DACH1: variants seen among roughly 807,000 people sequenced by gnomAD.
DACH1 encodes the protein dachshund homolog 1.
DACH1 carries 12 observed loss-of-function variants against 54.2 expected under a neutral mutation model. The ratio of observed to expected loss-of-function variants is 0.22; its 90% confidence interval spans 0.14 to 0.36. DACH1 has a LOEUF of 0.36. Ranked by LOEUF, DACH1 falls within the 10% of genes least tolerant of loss-of-function variation. The probability of loss-of-function intolerance (pLI) is 1.00; values close to 1 mark genes in which losing one functional copy is unlikely to be tolerated. For synonymous variants in DACH1, 386 were observed against 366.2 expected (o/e 1.05, Z -0.62); for missense variants, 805 against 929.8 (o/e 0.87, Z 1.75).
rs75304944 is a variant in DACH1, at chr13:71,788,377, A to G, written c.848+77545T>C. On this transcript the variant is annotated intron_variant, in intron 1 of 10. Transcript: ENST00000613252. ...TTTCTGGGCCAAACCTGTGGCTTTT[A>G]TATGTGTGAGTATCTGTGTTTATAT... Among the ~76,000 whole-genome samples, 20 of 152,250 alleles carry G rather than the reference A, an allele frequency of 1.3e-4. No homozygotes were observed. In the East Asian group the frequency reaches 3.5e-3, roughly 26 times the overall value.
chr13:71,615,960 C>T (rs1875728555), intron 3 of DACH1, among the ~76,000 whole-genome samples: 1 of 152,034 alleles, frequency 6.6e-6, no homozygotes, highest in South Asian at 2.1e-4. Flanking sequence ...CCAAAGAGCC[C>T]TATGTAATAT....
chr13:71,859,397 G>T (rs1395195198), intron 1 of DACH1, among the ~76,000 whole-genome samples: 1 of 151,580 alleles, frequency 6.6e-6, no homozygotes, highest in Non-Finnish European at 1.5e-5. Flanking sequence ...GTGGTGATTT[G>T]GGTCATTATA....
chr13:71,555,380 G>T (rs943667438), intron 6 of DACH1, among the ~76,000 whole-genome samples: 19 of 150,776 alleles, frequency 1.3e-4, no homozygotes, highest in African/African-American at 4.6e-4. Context: ...CTCTCACTCT[G>T]TCACCCGGGC....
intron 1 of DACH1, among the ~76,000 whole-genome samples, chr13:71,743,316 A>G (rs555635275): frequency 1.3e-5 from 2 of 152,322 alleles, no homozygotes; most frequent in South Asian, 2.1e-4. Context: ...GAAGACCCCA[A>G]TAAAGTTGAT....
intron 4 of DACH1, among the ~76,000 whole-genome samples, chr13:71,572,142 T>G (rs1416701203): frequency 2.6e-5 from 4 of 152,182 alleles, no homozygotes; most frequent in Admixed American, 2.6e-4. Flanking sequence ...TTTTGTTATT[T>G]CTTACTCCTT....
chr13:71,623,480 C>T (rs1222988638), intron 3 of DACH1, among the ~76,000 whole-genome samples: 2 of 151,474 alleles, frequency 1.3e-5, no homozygotes, highest in Non-Finnish European at 3.0e-5. Flanking sequence ...TGGCATCATC[C>T]TTTTTTTATA....
chr13:71,797,799 A>G (rs1195357645), intron 1 of DACH1, among the ~76,000 whole-genome samples: 1 of 152,128 alleles, frequency 6.6e-6, no homozygotes, highest in African/African-American at 2.4e-5. Flanking sequence ...TTACCGAGTC[A>G]TGAAATTTTC....
At chr13:71,705,624 G>T (rs1882403734) in intron 1 of DACH1, among the ~76,000 whole-genome samples, 1 of 152,238 alleles carries the variant, frequency 6.6e-6, no homozygotes, top group South Asian at 2.1e-4. Context: ...AGGCAGATAG[G>T]CAATTTGTTA....
intron 10 of DACH1, among the ~76,000 whole-genome samples, chr13:71,453,450 A>C (rs528598291): frequency 6.6e-6 from 1 of 152,310 alleles, no homozygotes; most frequent in South Asian, 2.1e-4. Flanking sequence ...TGCAAGAAAC[A>C]GACAAAATCC....
intron 6 of DACH1, among the ~76,000 whole-genome samples, chr13:71,510,383 A>G (rs1880685194): frequency 6.6e-6 from 1 of 151,968 alleles, no homozygotes; most frequent in African/African-American, 2.4e-5. Flanking sequence ...CTACGGGGAT[A>G]TCTAATAGAT....
intron 3 of DACH1, among the ~76,000 whole-genome samples, chr13:71,585,095 A>T (rs1252411649): frequency 6.6e-6 from 1 of 152,168 alleles, no homozygotes; most frequent in Non-Finnish European, 1.5e-5. Context: ...TATACCGAAC[A>T]TCTATTTTGT....
chr13:71,667,652 T>C (rs1879928609), intron 2 of DACH1, among the ~76,000 whole-genome samples: 1 of 152,140 alleles, frequency 6.6e-6, no homozygotes, highest in Non-Finnish European at 1.5e-5. Flanking sequence ...ATGAAATCCA[T>C]GCCGAGAAAG....
intron 2 of DACH1, among the ~76,000 whole-genome samples, chr13:71,638,584 T>TTATAAG (rs1877669820): frequency 6.6e-6 from 1 of 152,182 alleles, no homozygotes; most frequent in Non-Finnish European, 1.5e-5. Flanking sequence ...ATAAGCATGT[T>TTATAAG]CAGAAGAGTG....
intron 1 of DACH1, among the ~76,000 whole-genome samples, chr13:71,813,473 T>A (rs575348412): frequency 3.7e-4 from 57 of 152,292 alleles, no homozygotes; most frequent in African/African-American, 1.3e-3. Flanking sequence ...ACTTGCGTTA[T>A]CAACTCCATC....
chr13:71,597,768 T>C (rs1338010400), intron 3 of DACH1, among the ~76,000 whole-genome samples: 1 of 152,160 alleles, frequency 6.6e-6, no homozygotes, highest in East Asian at 1.9e-4. Flanking sequence ...TTGTCCCTAG[T>C]AAGTGCTCAA....
chr13:71,672,672 T>C (rs1426349176), intron 2 of DACH1, among the ~76,000 whole-genome samples: 1 of 152,076 alleles, frequency 6.6e-6, no homozygotes, highest in African/African-American at 2.4e-5. Context: ...AAATAAACAA[T>C]ATTTGTATTT....
At chr13:71,676,091 T>G (rs910173176) in intron 2 of DACH1, among the ~76,000 whole-genome samples, 2 of 152,214 alleles carry the variant, frequency 1.3e-5, no homozygotes, top group Non-Finnish European at 2.9e-5. Context: ...TATGTTTAAT[T>G]TATTAGTGAA....
At chr13:71,613,043 ATGT>A (rs1238384584) in intron 3 of DACH1, among the ~76,000 whole-genome samples, 1 of 152,220 alleles carries the variant, frequency 6.6e-6, no homozygotes, top group Non-Finnish European at 1.5e-5. Context: ...GCAAATAAAG[ATGT>A]TATTATAGAT....
intron 3 of DACH1, among the ~76,000 whole-genome samples, chr13:71,586,263 A>C (rs961091224): frequency 6.6e-6 from 1 of 152,202 alleles, no homozygotes; most frequent in Non-Finnish European, 1.5e-5. Context: ...GATAACTTTT[A>C]GACCCTCCCT....
Sources: gnomAD v4.1 joint callset for allele counts (sites outside exome capture counted in the v4.1 genomes callset) on GRCh38, gnomAD v4.1.1 for gene constraint, MANE v1.5 for transcripts, NCBI Gene and HGNC (gene_info 2026-07-23, HGNC 2026-07-21) for gene names.